The following GALNT13 variants were observed in gnomAD, a reference collection of about 807,000 sequenced individuals.
GALNT13 encodes the protein polypeptide N-acetylgalactosaminyltransferase 13.
GALNT13 carries 28 observed loss-of-function variants against 64.2 expected under a neutral mutation model. The observed-to-expected ratio is 0.44, with a 90% CI of 0.32 to 0.60. The LOEUF (loss-of-function observed/expected upper bound fraction) is 0.60, where lower values mean the gene tolerates loss of function less well. Among genes scored for constraint, GALNT13 ranks in the 20% least tolerant of loss-of-function variants. The probability of loss-of-function intolerance (pLI) is 0.05; values close to 1 mark genes in which losing one functional copy is unlikely to be tolerated. For missense variants in GALNT13, 577 were observed against 669.8 expected (o/e 0.86, Z 1.53); for synonymous variants, 214 against 224.6 (o/e 0.95, Z 0.42).
intron 9 of GALNT13, among the ~76,000 whole-genome samples, chr2:154,340,603 C>T (rs2105222409): frequency 6.6e-6 from 1 of 152,066 alleles, no homozygotes; most frequent in Middle Eastern, 3.4e-3. Flanking sequence ...TCTTCCTTTT[C>T]TTCCATAGCT....
chr2:153,110,800 C>G, the GALNT13 span, among the ~76,000 whole-genome samples: 1 of 152,088 alleles, frequency 6.6e-6, no homozygotes, highest in Non-Finnish European at 1.5e-5. Context: ...TAACTTAGAG[C>G]TATTTTTAGT....
At chr2:153,550,523 G>T in the GALNT13 span, among the ~76,000 whole-genome samples, 5 of 152,108 alleles carry the variant, frequency 3.3e-5, no homozygotes, top group African/African-American at 1.2e-4. Context: ...TAGAGCCACC[G>T]TGCCCAGGCT....
intron 4 of GALNT13, among the ~76,000 whole-genome samples, chr2:154,227,041 T>C (rs2105836592): frequency 6.6e-6 from 1 of 152,208 alleles, no homozygotes; most frequent in East Asian, 1.9e-4. Context: ...GACTTTCTGC[T>C]CCACTTCATC....
At chr2:153,546,890 A>G in the GALNT13 span, among the ~76,000 whole-genome samples, 3 of 152,224 alleles carry the variant, frequency 2.0e-5, no homozygotes, top group Non-Finnish European at 4.4e-5. Flanking sequence ...CTCTATATAA[A>G]TAGAAAACAA....
At chr2:154,219,823 C>T (rs544194303) in intron 4 of GALNT13, among the ~76,000 whole-genome samples, 1 of 152,094 alleles carries the variant, frequency 6.6e-6, no homozygotes, top group Non-Finnish European at 1.5e-5. Context: ...TCCTAGCAGA[C>T]ATTATGATTT....
At chr2:153,375,275 G>A in the GALNT13 span, among the ~76,000 whole-genome samples, 6 of 151,750 alleles carry the variant, frequency 4.0e-5, no homozygotes, top group African/African-American at 7.3e-5. Flanking sequence ...GTTTATTTAT[G>A]TTCTGTTTGA....
chr2:154,122,532 C>A (rs1682010803), intron 3 of GALNT13, among the ~76,000 whole-genome samples: 1 of 151,918 alleles, frequency 6.6e-6, no homozygotes, highest in South Asian at 2.1e-4. Context: ...TGGTAGAATT[C>A]ACCAATGAAA....
chr2:154,405,043 A>T (rs1699465682), intron 10 of GALNT13, among the ~76,000 whole-genome samples: 1 of 152,152 alleles, frequency 6.6e-6, no homozygotes, highest in South Asian at 2.1e-4. Context: ...TAAGAAGTAG[A>T]ATGGTATCTC....
chr2:154,141,239 A>AACACTAT (rs1683240354), intron 4 of GALNT13, among the ~76,000 whole-genome samples: 1 of 152,236 alleles, frequency 6.6e-6, no homozygotes, highest in East Asian at 1.9e-4. Context: ...AGACTTTATA[A>AACACTAT]ACACTATACA....
At chr2:153,100,842 A>G in the GALNT13 span, among the ~76,000 whole-genome samples, 1 of 152,166 alleles carries the variant, frequency 6.6e-6, no homozygotes, top group Non-Finnish European at 1.5e-5. Context: ...CAACCTGGCC[A>G]ACATGGTGAA....
chr2:153,641,759 A>G, the GALNT13 span, among the ~76,000 whole-genome samples: 1 of 152,100 alleles, frequency 6.6e-6, no homozygotes, highest in East Asian at 1.9e-4. Context: ...CTTTAAGAAA[A>G]TAAAATATTT....
chr2:154,368,025 A>C (rs762087048), intron 9 of GALNT13, among the ~76,000 whole-genome samples: 1 of 152,194 alleles, frequency 6.6e-6, no homozygotes, highest in Non-Finnish European at 1.5e-5. Flanking sequence ...GGATTAATGT[A>C]ACTAGAAAAG....
the GALNT13 span, among the ~76,000 whole-genome samples, chr2:153,528,316 T>C: frequency 6.6e-6 from 1 of 151,830 alleles, no homozygotes; most frequent in Non-Finnish European, 1.5e-5. Flanking sequence ...AGACAAAAAC[T>C]ATAAGAAGAT....
chr2:153,535,462 G>A, the GALNT13 span, among the ~76,000 whole-genome samples: 4 of 152,200 alleles, frequency 2.6e-5, no homozygotes, highest in South Asian at 6.2e-4. Flanking sequence ...AGCAGGGCAT[G>A]TATGAGTAGT....
At chr2:153,443,277 C>A in the GALNT13 span, among the ~76,000 whole-genome samples, 1 of 152,170 alleles carries the variant, frequency 6.6e-6, no homozygotes, top group African/African-American at 2.4e-5. Context: ...GACAGTCCCT[C>A]ACAGCTTCCG....
chr2:154,376,796 G>A (rs1698019770), intron 9 of GALNT13, among the ~76,000 whole-genome samples: 1 of 151,994 alleles, frequency 6.6e-6, no homozygotes, highest in Non-Finnish European at 1.5e-5. Context: ...CATAAAGTGA[G>A]GTTGAAGAAA....
the GALNT13 span, among the ~76,000 whole-genome samples, chr2:153,729,858 G>T: frequency 6.6e-6 from 1 of 151,472 alleles, no homozygotes; most frequent in African/African-American, 2.4e-5. Flanking sequence ...ACCAAATTAA[G>T]AACCCATTTA....
chr2:154,434,133 C>G (rs1019592630), intron 11 of GALNT13, among the ~76,000 whole-genome samples: 1 of 152,196 alleles, frequency 6.6e-6, no homozygotes, highest in African/African-American at 2.4e-5. Flanking sequence ...CTTCCAGCCT[C>G]CAAACCTGTC....
intron 4 of GALNT13, among the ~76,000 whole-genome samples, chr2:154,215,876 T>A (rs764426685): frequency 2.0e-5 from 3 of 152,148 alleles, no homozygotes; most frequent in Non-Finnish European, 4.4e-5. Context: ...TTGCTGTGCT[T>A]CAGAAGCCTT....
Sources: gnomAD v4.1 joint callset for allele counts (sites outside exome capture counted in the v4.1 genomes callset) on GRCh38, gnomAD v4.1.1 for gene constraint, MANE v1.5 for transcripts, NCBI Gene and HGNC (gene_info 2026-07-23, HGNC 2026-07-21) for gene names.